Variants in TNFRSF21 observed in about 807,000 individuals in gnomAD.
The protein encoded by TNFRSF21 is TNF receptor superfamily member 21.
In TNFRSF21, 19 loss-of-function variants were observed where a neutral mutation model predicts 45.6. That is an observed-to-expected ratio of 0.42 (90% CI 0.29 to 0.61). TNFRSF21 has a LOEUF of 0.61. Ranked by LOEUF, TNFRSF21 falls within the 20% of genes least tolerant of loss-of-function variation. TNFRSF21 has a pLI of 0.23. For missense variants in TNFRSF21, 737 were observed against 851.5 expected (o/e 0.87, Z 1.67); for synonymous variants, 314 against 335.5 (o/e 0.94, Z 0.70).
chr6:47,293,034 T>C (rs951327187), intron 1 of TNFRSF21, among the ~76,000 whole-genome samples: 8 of 152,228 alleles, frequency 5.3e-5, no homozygotes, highest in African/African-American at 1.9e-4. Flanking sequence ...TCTGTCAAGC[T>C]CCACCTTCCC....
rs34093099 is a variant in TNFRSF21, at chr6:47,232,624, A to AACACACACACAC, written c.*129_*140dup. On this transcript the variant is annotated 3_prime_UTR_variant, in exon 6 of 6. Transcript: ENST00000296861. ...CAAGCACTGGCCATATTCTCTGTTA[A>AACACACACACAC]ACACACACACACACACACACACACA... 11,109 of 559,884 alleles carry AACACACACACAC rather than the reference A, an allele frequency of 0.02. 38 individuals carry two copies. The highest frequency in any genetic ancestry group is 0.045 in the South Asian group (1,911 of 42,618). 34.7% of individuals were successfully genotyped at this position (559,884 alleles called of 1,614,324 possible). A position where few individuals can be genotyped will look rare whatever the true frequency, so the allele number is the denominator to read the frequency against.
intron 3 of TNFRSF21, among the ~76,000 whole-genome samples, chr6:47,271,720 A>C (rs1280524081): frequency 6.6e-6 from 1 of 151,882 alleles, no homozygotes; most frequent in Non-Finnish European, 1.5e-5. Flanking sequence ...ACAGACTGGC[A>C]AATTGGATAA....
At chr6:47,246,972 A>C (rs1265231344) in intron 4 of TNFRSF21, among the ~76,000 whole-genome samples, 1 of 152,180 alleles carries the variant, frequency 6.6e-6, no homozygotes, top group African/African-American at 2.4e-5. Context: ...AATTATAATT[A>C]TTTGCACACG....
intron 2 of TNFRSF21, among the ~76,000 whole-genome samples, chr6:47,284,763 T>C (rs1458401824): frequency 1.3e-5 from 2 of 152,238 alleles, no homozygotes; most frequent in East Asian, 3.8e-4. Flanking sequence ...AATCAATTCT[T>C]ATTTTGAGTT....
rs2113841603 is a variant in TNFRSF21 at position 47,234,776 on chromosome 6, G to A, written c.1632C>T (p.Asp544=). Residue 544 remains aspartate (D), a synonymous_variant, in exon 5 of 6, where the codon GAC becomes GAT. Coordinates refer to ENST00000296861, the MANE Select transcript of TNFRSF21 (RefSeq NM_014452.5). ...CATCCACGAAGAAGCCCTTGTTCTT[G>A]TCCTGTGGGGAAGGCTCCACCGTCA... ...ALLTVEPSPQ[D]KNKGFFVDES... is the part of the protein sequence containing the mutation. 1 of 1,601,656 alleles carries A rather than the reference G, an allele frequency of 6.2e-7. No homozygotes were observed. The highest frequency in any genetic ancestry group is 1.1e-5 in the South Asian group (1 of 88,486).
In TNFRSF21 at chr6:47,284,322, C is replaced by A; in HGVS notation, c.859G>T (p.Asp287Tyr). ...AGGTTTGGGAGGGTCTTGTTCACGT[C>A]TTCCTTCCCCCTTGCTGAGCTTGTG... Reference protein sequence around the residue: ...DNTSSARGKEDVNKTLPNLQV... With the variant: ...DNTSSARGKEYVNKTLPNLQV... The change falls in exon 3 of 6, where the codon GAC becomes TAC. Residue 287 changes from aspartate to tyrosine, a missense_variant. Physicochemically the swap from Asp to Tyr is radical, Grantham distance 160. Transcript: ENST00000296861. 6.3e-7 allele frequency: 1 copy of A among 1,599,886 alleles called. No homozygotes were observed.
At chr6:47,309,343 C>T in intron 1 of TNFRSF21, 73 bp downstream of exon 1, 1 of 1,475,180 alleles carries the variant, frequency 6.8e-7, no homozygotes, top group Non-Finnish European at 8.9e-7. Context: ...GGCCCGGTGA[C>T]CCGCCCGGCT....
intron 3 of TNFRSF21, among the ~76,000 whole-genome samples, chr6:47,265,840 C>A (rs1016165063): frequency 3.9e-5 from 6 of 152,170 alleles, no homozygotes; most frequent in Admixed American, 3.3e-4. Flanking sequence ...GTAGCAAACA[C>A]CCCATAAATT....
intron 4 of TNFRSF21, among the ~76,000 whole-genome samples, chr6:47,242,628 G>T (rs149050809): frequency 7.9e-5 from 12 of 152,304 alleles, no homozygotes; most frequent in South Asian, 2.1e-4. Flanking sequence ...GAGGGAAAAG[G>T]GGGGGCAGCC....
intron 3 of TNFRSF21, among the ~76,000 whole-genome samples, chr6:47,262,811 C>T (rs1324484997): frequency 6.6e-6 from 1 of 152,010 alleles, no homozygotes; most frequent in African/African-American, 2.4e-5. Flanking sequence ...CAAGAGGAGT[C>T]GCAGAGAGAG....
chr6:47,244,323 CAAAAA>C (rs764763953), intron 4 of TNFRSF21, among the ~76,000 whole-genome samples: 2 of 76,046 alleles, frequency 2.6e-5, no homozygotes, highest in Admixed American at 1.4e-4. Flanking sequence ...GACTCCGTCT[CAAAAA>C]AAAAAAAAAA....
At position 47,309,457 on chromosome 6, in the gene TNFRSF21, G is replaced by A; in HGVS notation, c.55C>T (p.Arg19Cys). Residue 19 changes from arginine (R) to cysteine (C), a missense_variant, in exon 1 of 6, where the codon CGC becomes TGC. By Grantham distance (180) the Arg-to-Cys change is radical. Transcript: ENST00000296861. ...TALASCSRIA[R>C]RATATMIAGS... The stretch of plus-strand genomic sequence containing the variant: ...GCGATCATCGTGGCTGTGGCTCGGC[G>A]GGCGATGCGGCTGCAGGAGGCGAGG... 6.5e-7 allele frequency: 1 copy of A among 1,535,746 alleles called. No homozygotes were observed. Among genetic ancestry groups the A allele is most frequent in the Non-Finnish European group, 8.7e-7 (1 of 1,148,454 alleles).
intron 4 of TNFRSF21, among the ~76,000 whole-genome samples, chr6:47,245,428 G>A (rs924776303): frequency 1.0e-4 from 9 of 87,940 alleles, no homozygotes; most frequent in Non-Finnish European, 2.0e-4. Context: ...CTAAGAAGAA[G>A]TGTGTGTGTG....
intron 1 of TNFRSF21, among the ~76,000 whole-genome samples, chr6:47,299,558 T>C (rs899916971): frequency 2.0e-5 from 3 of 152,112 alleles, no homozygotes; most frequent in Non-Finnish European, 4.4e-5. Context: ...AAGTAGAATG[T>C]AAAATAAAAC....
At chr6:47,288,270 G>A (rs1300139335) in intron 1 of TNFRSF21, among the ~76,000 whole-genome samples, 1 of 152,256 alleles carries the variant, frequency 6.6e-6, no homozygotes, top group Non-Finnish European at 1.5e-5. Flanking sequence ...CAAACGTAAT[G>A]TTGAGTAAAG....
chr6:47,270,373 G>A (rs577550323), intron 3 of TNFRSF21, among the ~76,000 whole-genome samples: 2 of 152,186 alleles, frequency 1.3e-5, no homozygotes, highest in Admixed American at 1.3e-4. Context: ...GGCGAACAAG[G>A]TCTGGAGTGG....
chr6:47,283,471 T>C (rs922826254), intron 3 of TNFRSF21, among the ~76,000 whole-genome samples: 2 of 152,178 alleles, frequency 1.3e-5, no homozygotes, highest in Non-Finnish European at 1.5e-5. Flanking sequence ...TGACTGAAAA[T>C]GGCAAACTTA....
At chr6:47,294,715 G>A (rs148146676) in intron 1 of TNFRSF21, among the ~76,000 whole-genome samples, 1 of 151,618 alleles carries the variant, frequency 6.6e-6, no homozygotes, top group Non-Finnish European at 1.5e-5. Flanking sequence ...TTTGAGGGGG[G>A]CCAGGGGTTC....
chr6:47,299,522 T>C (rs943276801), intron 1 of TNFRSF21, among the ~76,000 whole-genome samples: 1 of 152,098 alleles, frequency 6.6e-6, no homozygotes, highest in Non-Finnish European at 1.5e-5. Flanking sequence ...TCTCAACTTT[T>C]ATGTTATTAA....
Sources: gnomAD v4.1 joint callset for allele counts (sites outside exome capture counted in the v4.1 genomes callset) on GRCh38, gnomAD v4.1.1 for gene constraint, MANE v1.5 for transcripts, NCBI Gene and HGNC (gene_info 2026-07-23, HGNC 2026-07-21) for gene names.